The following TCAF1 variants were observed in gnomAD, a reference collection of about 807,000 sequenced individuals.
TCAF1 encodes the protein TRPM8 channel associated factor 1.
TCAF1 carries 4 observed loss-of-function variants against 27.3 expected under a neutral mutation model. That is an observed-to-expected ratio of 0.15 (90% CI 0.07 to 0.34). TCAF1 has a LOEUF of 0.34. TCAF1 is among the 10% of genes least tolerant of loss of function. The pLI, the probability that TCAF1 is intolerant of heterozygous loss-of-function variation, is 1.00. For missense variants in TCAF1, 257 were observed against 425.8 expected (o/e 0.60, Z 3.49); for synonymous variants, 105 against 167.1 (o/e 0.63, Z 2.87).
Position 143,876,037 on chromosome 7 carries a change from C to T in TCAF1, c.572G>A (p.Ser191Asn), listed in dbSNP as rs201900070. The T allele has an allele frequency of 1.9e-6, 3 of 1,590,290 alleles. No individual in the cohort carries two copies. Among genetic ancestry groups the T allele is most frequent in the Non-Finnish European group, 1.7e-6 (2 of 1,167,342 alleles). Reference sequence around the variant, plus strand: ...CATCTTCTTGGAGACTTTAAAGAAACTCGTGTCCCCTTTGTTGTCAGTAAA... The same window carrying T: ...CATCTTCTTGGAGACTTTAAAGAAATTCGTGTCCCCTTTGTTGTCAGTAAA... ...IYFTDNKGDTSFFKVSKKMPK... is the reference protein window; with the variant it reads ...IYFTDNKGDTNFFKVSKKMPK... Residue 191 changes from serine (S) to asparagine (N), a missense_variant, in exon 2 of 9, where the codon AGT becomes AAT. Physicochemically the swap from Ser to Asn is conservative, Grantham distance 46 (BLOSUM62 1). Coordinates refer to ENST00000479870, the MANE Select transcript of TCAF1 (RefSeq NM_014719.3).
At chr7:143,893,758 G>T (rs930883716) in intron 1 of TCAF1, among the ~76,000 whole-genome samples, 1 of 151,406 alleles carries the variant, frequency 6.6e-6, no homozygotes, top group Non-Finnish European at 1.5e-5. Flanking sequence ...GGCAGCAAAA[G>T]CAATTACTTA....
At chr7:143,882,524 A>T in intron 1 of TCAF1, 1 of 985,372 alleles carries the variant, frequency 1.0e-6, no homozygotes. Context: ...CCAAGCGCAG[A>T]GGAAAATCAC....
intron 1 of TCAF1, among the ~76,000 whole-genome samples, chr7:143,887,277 G>T (rs547300306): frequency 6.6e-6 from 1 of 152,006 alleles, no homozygotes; most frequent in Non-Finnish European, 1.5e-5. Flanking sequence ...AAAATATTAC[G>T]CAATTCTTTA....
At chr7:143,883,010 C>A in intron 1 of TCAF1, 1 of 375,824 alleles carries the variant, frequency 2.7e-6, no homozygotes, top group Non-Finnish European at 3.7e-6. Context: ...CTTGGCATTG[C>A]TGTGGCTTAG....
intron 1 of TCAF1, among the ~76,000 whole-genome samples, chr7:143,881,742 A>C (rs1048971441): frequency 2.0e-5 from 3 of 151,862 alleles, no homozygotes; most frequent in Admixed American, 2.0e-4. Context: ...GCAGGGTTGG[A>C]GTCTTTGCTT....
intron 1 of TCAF1, among the ~76,000 whole-genome samples, chr7:143,888,107 A>G (rs1813496814): frequency 6.6e-6 from 1 of 152,236 alleles, no homozygotes. Context: ...TCTAACTTTA[A>G]TAAGGTGTTA....
At position 143,851,604 on chromosome 7, in the gene TCAF1, T is replaced by C. The variant is rs1168974507; in HGVS notation, c.*2529A>G. The C allele has an allele frequency of 2.6e-5, 4 of 152,270 alleles. No individual in the cohort carries two copies. The highest frequency in any genetic ancestry group is 5.9e-5 in the Non-Finnish European group (4 of 68,052). The allele number at this position is 152,270 out of a possible 1,614,324, so 9.4% of individuals were successfully genotyped here. Reference sequence around the variant, plus strand: ...TTTGAGCAATAATTTCTTGACTTACTGACTTTACAACATCTTTAATAATTC... The same window carrying C: ...TTTGAGCAATAATTTCTTGACTTACCGACTTTACAACATCTTTAATAATTC... On this transcript the variant is annotated 3_prime_UTR_variant, in exon 9 of 9. Transcript: ENST00000479870.
intron 1 of TCAF1, among the ~76,000 whole-genome samples, chr7:143,897,855 A>T (rs1813957951): frequency 6.6e-6 from 1 of 152,138 alleles, no homozygotes; most frequent in Non-Finnish European, 1.5e-5. Context: ...ATAAGGGAGA[A>T]TACTATTCAT....
At chr7:143,899,517 G>A (rs1293267318) in intron 1 of TCAF1, among the ~76,000 whole-genome samples, 1 of 152,058 alleles carries the variant, frequency 6.6e-6, no homozygotes, top group Non-Finnish European at 1.5e-5. Flanking sequence ...AATTGCCAAA[G>A]GCAAAACTAT....
chr7:143,893,868 A>C (rs566730201), intron 1 of TCAF1, among the ~76,000 whole-genome samples: 1 of 151,994 alleles, frequency 6.6e-6, no homozygotes, highest in African/African-American at 2.4e-5. Context: ...CATTAGAAAA[A>C]GAATAACAAA....
intron 1 of TCAF1, among the ~76,000 whole-genome samples, chr7:143,893,167 T>TATAAA (rs1562972320): frequency 1.3e-5 from 2 of 152,170 alleles, no homozygotes; most frequent in Non-Finnish European, 2.9e-5. Flanking sequence ...CAGCAAGTGT[T>TATAAA]ACTGTAGATA....
At chr7:143,883,145 T>A (rs1813173058) in intron 1 of TCAF1, among the ~76,000 whole-genome samples, 1 of 152,232 alleles carries the variant, frequency 6.6e-6, no homozygotes, top group African/African-American at 2.4e-5. Context: ...TGCTTAGTAT[T>A]ATTCAGTTCT....
intron 1 of TCAF1, among the ~76,000 whole-genome samples, chr7:143,883,494 C>CTT (rs1401266708): frequency 8.6e-5 from 9 of 105,208 alleles, no homozygotes; most frequent in African/African-American, 2.9e-4. Context: ...TCTTTCTTTC[C>CTT]TTTTTCTTTT....
At position 143,880,187 on chromosome 7, in the gene TCAF1, G is replaced by A. The variant is rs112641005; in HGVS notation, c.-14-3565C>T. Among the ~76,000 whole-genome samples, 433 of 152,330 alleles carry A rather than the reference G, an allele frequency of 2.8e-3. 2 individuals are homozygous for A. Among genetic ancestry groups the A allele is most frequent in the African/African-American group, 9.5e-3 (393 of 41,572 alleles). On this transcript the variant is annotated intron_variant, in intron 1 of 8. Transcript: ENST00000479870. ...CCTGGCATTACTACACGTGATTTCT[G>A]TAACTTATTTAATGCTGACAATAAA...
At chr7:143,887,262 TATCAAAA>T (rs1813452273) in intron 1 of TCAF1, among the ~76,000 whole-genome samples, 1 of 152,182 alleles carries the variant, frequency 6.6e-6, no homozygotes, top group Non-Finnish European at 1.5e-5. Context: ...TAAAAATCCA[TATCAAAA>T]ATATTACGCA....
intron 1 of TCAF1, among the ~76,000 whole-genome samples, chr7:143,888,528 A>C (rs921902477): frequency 4.6e-5 from 7 of 152,246 alleles, no homozygotes; most frequent in African/African-American, 1.7e-4. Flanking sequence ...GACCCTGCTG[A>C]AAGATGAAGG....
intron 1 of TCAF1, among the ~76,000 whole-genome samples, chr7:143,892,248 A>G (rs990211112): frequency 1.3e-5 from 2 of 152,160 alleles, no homozygotes; most frequent in Non-Finnish European, 2.9e-5. Flanking sequence ...AAGCATATAA[A>G]AAATAAAACA....
At chr7:143,879,827 G>C (rs1380193531) in intron 1 of TCAF1, among the ~76,000 whole-genome samples, 1 of 151,964 alleles carries the variant, frequency 6.6e-6, no homozygotes, top group Non-Finnish European at 1.5e-5. Context: ...ACTGTCCCCA[G>C]CCATCTATCC....
chr7:143,860,011 T>C (rs11772006), intron 6 of TCAF1, among the ~76,000 whole-genome samples, 197 bp downstream of exon 6: 1 of 20,420 alleles, frequency 4.9e-5, no homozygotes, highest in Admixed American at 8.1e-4. Context: ...AATATATATA[T>C]AATATATATT....
Sources: gnomAD v4.1 joint callset for allele counts (sites outside exome capture counted in the v4.1 genomes callset) on GRCh38, gnomAD v4.1.1 for gene constraint, MANE v1.5 for transcripts, NCBI Gene and HGNC (gene_info 2026-07-23, HGNC 2026-07-21) for gene names.